The following RTF2 variants were observed in gnomAD, a reference collection of about 807,000 sequenced individuals.
RTF2 encodes the protein UPF0549 protein C20orf43.
RTF2 carries 18 observed loss-of-function variants against 38.0 expected under a neutral mutation model. The ratio of observed to expected loss-of-function variants is 0.47; its 90% CI spans 0.33 to 0.70. The LOEUF is 0.70. Ranked by LOEUF, RTF2 falls within the 30% of genes least tolerant of loss-of-function variation. The probability of loss-of-function intolerance (pLI) is 0.02; values close to 1 mark genes in which losing one functional copy is unlikely to be tolerated. For synonymous variants in RTF2, 126 were observed against 137.1 expected, an observed-to-expected ratio of 0.92 and a Z score of 0.57; for missense variants, 311 against 379.6, an observed-to-expected ratio of 0.82 and a Z score of 1.50.
chr20:56,483,674 C>T (rs537594781), intron 4 of RTF2, among the ~76,000 whole-genome samples: 1 of 152,218 alleles, frequency 6.6e-6, no homozygotes, highest in African/African-American at 2.4e-5. Flanking sequence ...ATGATGTGTC[C>T]TGGTTTCAAA....
At chr20:56,477,306 G>A (rs1396731638) in intron 4 of RTF2, among the ~76,000 whole-genome samples, 182 bp downstream of exon 4, 1 of 152,132 alleles carries the variant, frequency 6.6e-6, no homozygotes. Context: ...CCATTGCTAC[G>A]GGACTTCCAG....
At position 56,517,199 on chromosome 20, in the gene RTF2, C is replaced by G; in HGVS notation, c.740C>G (p.Thr247Arg). ...EKKTNLAPKS[T>R]AMNESSSGKA... ...AAAACCAACTTGGCTCCCAAAAGCA[C>G]AGGTGGGTCCTGTTGTAGCTACAGG... Residue 247 changes from threonine (T) to arginine (R), a missense_variant and splice_region_variant, in exon 8 of 9, where the codon ACA becomes AGA. Thr to Arg is a moderately conservative substitution (Grantham distance 71). Transcript: ENST00000357348. 2 of 1,613,306 alleles carry G rather than the reference C, an allele frequency of 1.2e-6. No individual in the cohort carries two copies. Among genetic ancestry groups the G allele is most frequent in the East Asian group, 2.2e-5 (1 of 44,870 alleles).
chr20:56,472,104 C>T (rs1731824511), intron 1 of RTF2, among the ~76,000 whole-genome samples: 1 of 151,616 alleles, frequency 6.6e-6, no homozygotes, highest in Admixed American at 6.6e-5. Flanking sequence ...GCTTGTAGTC[C>T]TAGCTACTTG....
At chr20:56,480,767 A>G (rs1224224304) in intron 4 of RTF2, among the ~76,000 whole-genome samples, 1 of 152,198 alleles carries the variant, frequency 6.6e-6, no homozygotes, top group Non-Finnish European at 1.5e-5. Flanking sequence ...AGAAGGAGAG[A>G]GATGGGGGAA....
At chr20:56,497,083 C>T (rs1413900701) in intron 5 of RTF2, 35 of 1,551,630 alleles carry the variant, frequency 2.3e-5, no homozygotes, top group Non-Finnish European at 2.9e-5. Flanking sequence ...GTAAAGCCAG[C>T]ATAAGCCACC....
At chr20:56,501,703 AT>A (rs1403426021) in intron 5 of RTF2, among the ~76,000 whole-genome samples, 5 of 152,264 alleles carry the variant, frequency 3.3e-5, no homozygotes, top group African/African-American at 9.6e-5. Context: ...AAATAAAAAA[AT>A]AATTAGCCAA....
At chr20:56,507,517 G>A (rs1984358456) in intron 5 of RTF2, among the ~76,000 whole-genome samples, 1 of 152,128 alleles carries the variant, frequency 6.6e-6, no homozygotes, top group South Asian at 2.1e-4. Context: ...ACTTCTTATT[G>A]TCAGTGGCCA....
intron 5 of RTF2, among the ~76,000 whole-genome samples, chr20:56,485,912 A>G (rs114240268): frequency 6.6e-6 from 1 of 152,288 alleles, no homozygotes; most frequent in African/African-American, 2.4e-5. Flanking sequence ...TGGTAAAGAT[A>G]TTGGCACTAA....
chr20:56,490,379 C>A lies in RTF2; in HGVS notation c.477+6190C>A, dbSNP rs114660799. Among the ~76,000 whole-genome samples the A allele has an allele frequency of 9.4e-3, 1,427 of 152,252 alleles. 28 individuals are homozygous for A. Among genetic ancestry groups the A allele is most frequent in the African/African-American group, 0.033 (1,372 of 41,538 alleles). On this transcript the variant is annotated intron_variant, in intron 5 of 8. Transcript: ENST00000357348. ...AGAGAAGGAGGATATATATAAAGTT[C>A]TCCACAACAGCAGCGGCAGCAGCAA... is the stretch of plus-strand genomic sequence containing the variant.
intron 5 of RTF2, among the ~76,000 whole-genome samples, chr20:56,486,580 T>A (rs1471698404): frequency 6.6e-6 from 1 of 152,052 alleles, no homozygotes; most frequent in Non-Finnish European, 1.5e-5. Context: ...ACCTGGGAGC[T>A]GGAGGTTACA....
At chr20:56,486,706 A>C (rs898197412) in intron 5 of RTF2, among the ~76,000 whole-genome samples, 2 of 152,198 alleles carry the variant, frequency 1.3e-5, no homozygotes, top group African/African-American at 4.8e-5. Flanking sequence ...AGCAGAAACA[A>C]TGGGTAGATT....
intron 8 of RTF2, among the ~76,000 whole-genome samples, chr20:56,517,614 C>T (rs777721529): frequency 4.9e-4 from 74 of 152,160 alleles, no homozygotes; most frequent in Non-Finnish European, 3.7e-4. Flanking sequence ...CTCTCTGCTG[C>T]CTCTTGACCA....
Position 56,517,152 on chromosome 20 carries a change from C to T in RTF2, c.693C>T (p.Ala231=), listed in dbSNP as rs1270868631. 20 of 1,614,062 alleles carry T rather than the reference C, an allele frequency of 1.2e-5. No individual in the cohort carries two copies. The Admixed American group carries it at 3.3e-4, about 27-fold the overall frequency. The change falls in exon 8 of 9, where the codon GCC becomes GCT. Residue 231 remains alanine, a synonymous_variant. Coordinates refer to ENST00000357348, the MANE Select transcript of RTF2 (RefSeq NM_016407.5). The part of the protein sequence containing the change: ...SKVKTGKPEE[A]SLDSREKKTN... ...TTAAGACAGGGAAGCCTGAAGAAGC[C>T]AGCCTTGATTCTAGAGAGAAGAAAA...
rs1334599076 is a variant in RTF2, at chr20:56,497,084, A to G, written c.477+12895A>G. On this transcript the variant is annotated intron_variant, in intron 5 of 8. Transcript: ENST00000357348. ...CTGCCTGTAGTCTTGTAAAGCCAGC[A>G]TAAGCCACCTTCTCTGTCTTGGAGG... 5.2e-6 allele frequency: 8 copies of G among 1,551,830 alleles called. No individual in the cohort carries two copies. In the South Asian group the frequency reaches 8.3e-5, roughly 16 times the overall value.
intron 5 of RTF2, chr20:56,503,987 C>CGCACAT (rs1984098956): frequency 6.6e-6 from 1 of 152,462 alleles, no homozygotes; most frequent in South Asian, 2.1e-4. Flanking sequence ...CGCACACACA[C>CGCACAT]GCACATGCAC....
intron 5 of RTF2, among the ~76,000 whole-genome samples, chr20:56,484,704 G>A (rs185497184): frequency 4.8e-4 from 73 of 152,308 alleles, no homozygotes; most frequent in African/African-American, 1.7e-3. Flanking sequence ...GTAAATGCTC[G>A]CATGGGTGGC....
At chr20:56,517,427 G>T (rs1985119735) in intron 8 of RTF2, among the ~76,000 whole-genome samples, 1 of 152,172 alleles carries the variant, frequency 6.6e-6, no homozygotes, top group Non-Finnish European at 1.5e-5. Context: ...AATGCTGGTT[G>T]TTTAGATTCC....
intron 4 of RTF2, among the ~76,000 whole-genome samples, chr20:56,481,781 A>G (rs1326027131): frequency 6.6e-6 from 1 of 152,182 alleles, no homozygotes; most frequent in Non-Finnish European, 1.5e-5. Context: ...ATCACCCCAA[A>G]AGGAAAATCC....
At position 56,474,780 on chromosome 20, in the gene RTF2, A is replaced by C. The variant is rs1193338354; in HGVS notation, c.258+9A>C. ...ACATTAAAAGCATTAAGGTAACACG[A>C]GTGATTCTGAAGTGCTGTGAGGGTC... On this transcript the variant is annotated intron_variant, in intron 3 of 8. Coordinates refer to ENST00000357348, the MANE Select transcript of RTF2 (RefSeq NM_016407.5). 1 of 1,559,462 alleles carries C rather than the reference A, an allele frequency of 6.4e-7. No individual in the cohort carries two copies. Among genetic ancestry groups the C allele is most frequent in the Non-Finnish European group, 8.8e-7 (1 of 1,135,310 alleles).
Sources: gnomAD v4.1 joint callset for allele counts (sites outside exome capture counted in the v4.1 genomes callset) on GRCh38, gnomAD v4.1.1 for gene constraint, MANE v1.5 for transcripts, NCBI Gene and HGNC (gene_info 2026-07-23, HGNC 2026-07-21) for gene names.